ADGRL3: variants seen among roughly 807,000 people sequenced by gnomAD.
ADGRL3 encodes calcium-independent alpha-latrotoxin receptor 3.
In ADGRL3, 62 loss-of-function variants were observed where a neutral mutation model predicts 153.5. The ratio of observed to expected loss-of-function variants is 0.40; its 90% CI spans 0.33 to 0.50. The LOEUF is 0.50. Among genes scored for constraint, ADGRL3 ranks in the 20% least tolerant of loss-of-function variants. The pLI is 0.47. For missense variants in ADGRL3, 1,641 were observed against 1,859.4 expected, an observed-to-expected ratio of 0.88 and a Z score of 2.16; for synonymous variants, 710 against 672.5, an observed-to-expected ratio of 1.06 and a Z score of -0.86.
At chr4:61,931,830 A>C (rs1478205994) in intron 13 of ADGRL3, among the ~76,000 whole-genome samples, 1 of 152,184 alleles carries the variant, frequency 6.6e-6, no homozygotes, top group Admixed American at 6.5e-5. Context: ...TTGAAAACTT[A>C]TAACTATGAA....
intron 6 of ADGRL3, among the ~76,000 whole-genome samples, chr4:61,685,349 C>T (rs753993095): frequency 2.0e-5 from 3 of 152,016 alleles, no homozygotes; most frequent in Middle Eastern, 3.4e-3. Context: ...GTTAGTCCCA[C>T]GGGTAAGGCA....
intron 1 of ADGRL3, among the ~76,000 whole-genome samples, chr4:61,291,212 A>ACGCACACATG (rs3035663): frequency 2.8e-4 from 7 of 24,946 alleles, no homozygotes; most frequent in East Asian, 3.3e-3. Context: ...ACACACACAC[A>ACGCACACATG]CACACGCACA....
At chr4:61,960,690 G>T (rs1446625952) in intron 17 of ADGRL3, among the ~76,000 whole-genome samples, 1 of 151,688 alleles carries the variant, frequency 6.6e-6, no homozygotes, top group African/African-American at 2.4e-5. Flanking sequence ...TAAACATATG[G>T]ATTAGTGTTT....
chr4:61,620,233 T>A (rs1341749468), intron 5 of ADGRL3, among the ~76,000 whole-genome samples: 1 of 152,128 alleles, frequency 6.6e-6, no homozygotes, highest in African/African-American at 2.4e-5. Flanking sequence ...AAGAGATTTT[T>A]AAGACATACA....
chr4:61,801,305 A>C (rs1230000369), intron 8 of ADGRL3, among the ~76,000 whole-genome samples: 3 of 152,110 alleles, frequency 2.0e-5, no homozygotes, highest in African/African-American at 7.2e-5. Flanking sequence ...TACAATTTCT[A>C]GGAACAATTC....
chr4:61,718,930 A>G (rs1327809420), intron 6 of ADGRL3, among the ~76,000 whole-genome samples: 1 of 152,238 alleles, frequency 6.6e-6, no homozygotes, highest in Non-Finnish European at 1.5e-5. Flanking sequence ...TCACTAAAAC[A>G]AACAAGACAT....
intron 8 of ADGRL3, among the ~76,000 whole-genome samples, chr4:61,754,567 A>G (rs1038539209): frequency 1.3e-5 from 2 of 151,814 alleles, no homozygotes; most frequent in Admixed American, 6.6e-5. Flanking sequence ...GTAACCACCC[A>G]ATGGGTTCAC....
chr4:61,823,114 G>A (rs778091398), intron 9 of ADGRL3, among the ~76,000 whole-genome samples: 32 of 152,230 alleles, frequency 2.1e-4, no homozygotes, highest in East Asian at 5.8e-4. Flanking sequence ...AATCCCATGC[G>A]GAGATTCCTG....
intron 9 of ADGRL3, among the ~76,000 whole-genome samples, chr4:61,833,747 C>T (rs1339349147): frequency 6.6e-6 from 1 of 152,084 alleles, no homozygotes; most frequent in Non-Finnish European, 1.5e-5. Flanking sequence ...GTTAGTCCTA[C>T]AAAGGCAAAC....
At chr4:61,494,082 G>GT (rs200811187) in intron 2 of ADGRL3, among the ~76,000 whole-genome samples, 3,724 of 130,070 alleles carry the variant, frequency 0.029, 59 homozygotes, top group African/African-American at 0.044. Flanking sequence ...ACTGTGTCCT[G>GT]TTTTTTTTTT....
rs190573639 is a variant in ADGRL3 at position 61,680,811 on chromosome 4, G to A, written c.583+3876G>A. Among the ~76,000 whole-genome samples the A allele has an allele frequency of 5.9e-5, 9 of 152,084 alleles. No individual in the cohort carries two copies. In the South Asian group the frequency reaches 6.2e-4, roughly 11 times the overall value. ...TTGAGTGTTTTGTACTTATTTTTCC[G>A]AGTCACTGAAGTTATATTTAATCTT... On this transcript the variant is annotated intron_variant, in intron 6 of 26. Transcript: ENST00000683033.
intron 5 of ADGRL3, among the ~76,000 whole-genome samples, chr4:61,657,914 C>A (rs1280081959): frequency 1.3e-5 from 2 of 152,124 alleles, no homozygotes; most frequent in African/African-American, 2.4e-5. Context: ...CTATCTGCCC[C>A]CATGGCACAT....
chr4:61,576,527 T>A lies in ADGRL3; in HGVS notation c.260-10700T>A, dbSNP rs564061666. On this transcript the variant is annotated intron_variant, in intron 4 of 26. Transcript: ENST00000683033. ...GAGACTTGGTTGGTTAATGCATTCC[T>A]CATTTACCGATATAACAAGTAGAGA... Among the ~76,000 whole-genome samples, 34 of 150,012 alleles carry A rather than the reference T, an allele frequency of 2.3e-4. No homozygotes were observed. The South Asian group carries it at 5.8e-3, about 25-fold the overall frequency.
At chr4:61,431,828 A>G (rs908587878) in intron 2 of ADGRL3, among the ~76,000 whole-genome samples, 6 of 152,214 alleles carry the variant, frequency 3.9e-5, no homozygotes, top group Non-Finnish European at 2.9e-5. Flanking sequence ...ACATGTAATA[A>G]TAGTCATAAT....
At chr4:62,054,185 C>G (rs1735774300) in intron 25 of ADGRL3, among the ~76,000 whole-genome samples, 1 of 151,318 alleles carries the variant, frequency 6.6e-6, no homozygotes, top group Non-Finnish European at 1.5e-5. Context: ...GGAAAATTGC[C>G]CCAGGATTTT....
intron 15 of ADGRL3, among the ~76,000 whole-genome samples, chr4:61,936,299 A>G (rs1399656461): frequency 2.0e-5 from 3 of 152,162 alleles, no homozygotes; most frequent in Non-Finnish European, 4.4e-5. Context: ...TTAAATATGA[A>G]GGAAATTATG....
At chr4:61,495,695 A>G (rs1296033690) in intron 2 of ADGRL3, among the ~76,000 whole-genome samples, 1 of 152,148 alleles carries the variant, frequency 6.6e-6, no homozygotes, top group African/African-American at 2.4e-5. Flanking sequence ...CAACTACACT[A>G]GTTTGGTTCA....
chr4:62,050,483 T>C (rs910193452), intron 25 of ADGRL3, among the ~76,000 whole-genome samples: 2 of 152,008 alleles, frequency 1.3e-5, no homozygotes, highest in African/African-American at 4.8e-5. Context: ...TCAGAGCATG[T>C]ATTGTCTTTC....
chr4:61,775,450 C>A lies in ADGRL3; in HGVS notation c.1400-38359C>A, dbSNP rs1217711390. ...TGTGTGTGCCAAAGATTTATGTCTTCATTTCTTGCATTTGAAGTACTCTTC... is the reference window on the plus strand; with the variant it reads ...TGTGTGTGCCAAAGATTTATGTCTTAATTTCTTGCATTTGAAGTACTCTTC... On this transcript the variant is annotated intron_variant, in intron 8 of 26. Transcript: ENST00000683033. The A allele has an allele frequency of 7.4e-6, 5 of 672,212 alleles. No individual in the cohort carries two copies. In the East Asian group the frequency reaches 1.2e-4, roughly 16 times the overall value. The allele number at this position is 672,212 out of a possible 1,614,324, so 41.6% of individuals were successfully genotyped here. A position where few individuals can be genotyped will look rare whatever the true frequency, so the allele number is the denominator to read the frequency against.
Sources: gnomAD v4.1 joint callset for allele counts (sites outside exome capture counted in the v4.1 genomes callset) on GRCh38, gnomAD v4.1.1 for gene constraint, MANE v1.5 for transcripts, NCBI Gene and HGNC (gene_info 2026-07-23, HGNC 2026-07-21) for gene names.